The following FMNL2 variants were observed in gnomAD, a reference collection of about 807,000 sequenced individuals.
The protein encoded by FMNL2 is formin like 2, also known as formin-like protein 2.
FMNL2 carries 51 observed loss-of-function variants against 130.2 expected under a neutral mutation model. That is an observed-to-expected ratio of 0.39 (90% CI 0.31 to 0.49). FMNL2 has a LOEUF of 0.49. Among genes scored for constraint, FMNL2 ranks in the 20% least tolerant of loss-of-function variants. The probability of loss-of-function intolerance (pLI) is 0.85; values close to 1 mark genes in which losing one functional copy is unlikely to be tolerated. For missense variants in FMNL2, 977 were observed against 1,316.2 expected, an observed-to-expected ratio of 0.74 and a Z score of 3.99; for synonymous variants, 465 against 467.1, an observed-to-expected ratio of 1.00 and a Z score of 0.06.
chr2:152,461,497 A>G (rs1247887634), intron 1 of FMNL2, among the ~76,000 whole-genome samples: 1 of 152,210 alleles, frequency 6.6e-6, no homozygotes, highest in African/African-American at 2.4e-5. Context: ...AAGTAGATTC[A>G]CATACCACAT....
At chr2:152,431,965 TAAAAAAAAAA>T in intron 1 of FMNL2, among the ~76,000 whole-genome samples, 1 of 82,156 alleles carries the variant, frequency 1.2e-5, no homozygotes, top group African/African-American at 6.4e-5. Context: ...ACCCTATCTT[TAAAAAAAAAA>T]AAAAAAAAAA....
At chr2:152,422,331 C>T (rs1686964102) in intron 1 of FMNL2, among the ~76,000 whole-genome samples, 1 of 152,120 alleles carries the variant, frequency 6.6e-6, no homozygotes, top group Non-Finnish European at 1.5e-5. Context: ...CATGATGCCC[C>T]GTGATCATCA....
chr2:152,369,102 T>C (rs767009811), intron 1 of FMNL2, among the ~76,000 whole-genome samples: 25 of 152,204 alleles, frequency 1.6e-4, no homozygotes, highest in Non-Finnish European at 2.9e-4. Flanking sequence ...GTGTAGGATC[T>C]TCTAAAGTGA....
intron 1 of FMNL2, 85 bp from the exon 2 acceptor site, chr2:152,521,858 T>C: frequency 1.0e-6 from 1 of 966,856 alleles, no homozygotes. Context: ...ACCATAGTGG[T>C]ATTATTTGGT....
chr2:152,620,035 G>T (rs1372759978), intron 15 of FMNL2, among the ~76,000 whole-genome samples: 1 of 151,826 alleles, frequency 6.6e-6, no homozygotes, highest in Admixed American at 6.6e-5. Context: ...GTGCATTTTT[G>T]TGGGTTCAGC....
At chr2:152,352,516 T>C (rs1560289492) in intron 1 of FMNL2, among the ~76,000 whole-genome samples, 1 of 152,184 alleles carries the variant, frequency 6.6e-6, no homozygotes, top group Non-Finnish European at 1.5e-5. Context: ...AGAATAAATA[T>C]AAATGTTTCA....
chr2:152,454,913 TGAGGG>T (rs1280595005), intron 1 of FMNL2, among the ~76,000 whole-genome samples: 1 of 152,164 alleles, frequency 6.6e-6, no homozygotes, highest in Non-Finnish European at 1.5e-5. Flanking sequence ...CTCCAGATAC[TGAGGG>T]GAAGCTTGCA....
intron 1 of FMNL2, among the ~76,000 whole-genome samples, chr2:152,445,594 G>A (rs62180799): frequency 0.41 from 62,616 of 151,962 alleles, 15,429 homozygotes; most frequent in Non-Finnish European, 0.57. Flanking sequence ...CAGTGGTTTC[G>A]AAATTTTATC....
chr2:152,397,788 TC>T (rs1202366098), intron 1 of FMNL2, among the ~76,000 whole-genome samples: 1 of 152,180 alleles, frequency 6.6e-6, no homozygotes, highest in East Asian at 1.9e-4. Context: ...GATTTGTATG[TC>T]ATTCTTCTCT....
chr2:152,570,358 A>G (rs1327216153), intron 6 of FMNL2, among the ~76,000 whole-genome samples: 1 of 151,574 alleles, frequency 6.6e-6, no homozygotes. Flanking sequence ...TCTTAAGTTT[A>G]TGTAGAAGAG....
At chr2:152,444,541 A>G (rs1688235456) in intron 1 of FMNL2, among the ~76,000 whole-genome samples, 1 of 152,210 alleles carries the variant, frequency 6.6e-6, no homozygotes, top group African/African-American at 2.4e-5. Flanking sequence ...ATAACACATT[A>G]CAGAAATAGA....
chr2:152,469,126 T>A (rs1689719682), intron 1 of FMNL2, among the ~76,000 whole-genome samples: 1 of 152,180 alleles, frequency 6.6e-6, no homozygotes, highest in Non-Finnish European at 1.5e-5. Context: ...TGTTGATTCG[T>A]TTTTCTTCCT....
chr2:152,540,343 G>C (rs965892921), intron 2 of FMNL2, among the ~76,000 whole-genome samples: 17 of 152,000 alleles, frequency 1.1e-4, no homozygotes, highest in African/African-American at 3.6e-4. Flanking sequence ...AAAAAAAGTA[G>C]TTTATACACA....
Position 152,619,552 on chromosome 2 carries a change from G to GCCACCCCCCCCCCCACCCCCCCCCCC in FMNL2, c.1673_1674insACCCCCCCCCCCACCCCCCCCCCCCC (p.Pro568LeufsTer29). 2 of 1,417,706 alleles carry GCCACCCCCCCCCCCACCCCCCCCCCC rather than the reference G, an allele frequency of 1.4e-6. No homozygotes were observed. Among genetic ancestry groups the GCCACCCCCCCCCCCACCCCCCCCCCC allele is most frequent in the Non-Finnish European group, 1.9e-6 (2 of 1,062,482 alleles). 87.8% of individuals were successfully genotyped at this position (1,417,706 alleles called of 1,614,324 possible). A position where few individuals can be genotyped will look rare whatever the true frequency, so the allele number is the denominator to read the frequency against. ...CACCACCTATGCCACCGCCGCCGCC[G>GCCACCCCCCCCCCCACCCCCCCCCCC]CCCCCTCCTCCACCTCCTCCTCCCC... On this transcript the variant is annotated frameshift_variant, in exon 15 of 26. Coordinates refer to ENST00000288670, the MANE Select transcript of FMNL2 (RefSeq NM_052905.4). LOFTEE classifies it high-confidence loss of function.
At chr2:152,611,834 G>A (rs907848762) in intron 11 of FMNL2, among the ~76,000 whole-genome samples, 127 of 152,174 alleles carry the variant, frequency 8.3e-4, no homozygotes, top group South Asian at 1.2e-3. Flanking sequence ...CTTTTAGTAC[G>A]GGAGTCAGAT....
chr2:152,472,096 A>G (rs1689891508), intron 1 of FMNL2, among the ~76,000 whole-genome samples: 1 of 152,222 alleles, frequency 6.6e-6, no homozygotes, highest in South Asian at 2.1e-4. Flanking sequence ...TTGTGATACT[A>G]TAATCAAACA....
intron 10 of FMNL2, among the ~76,000 whole-genome samples, chr2:152,608,361 A>AC (rs1698496331): frequency 5.9e-5 from 1 of 16,898 alleles, no homozygotes; most frequent in Non-Finnish European, 1.2e-4. Flanking sequence ...CCTTTTTGTG[A>AC]AAAAAAAAAA....
At chr2:152,389,634 G>A (rs1198740893) in intron 1 of FMNL2, among the ~76,000 whole-genome samples, 1 of 152,228 alleles carries the variant, frequency 6.6e-6, no homozygotes, top group Non-Finnish European at 1.5e-5. Flanking sequence ...AGAGAGCACA[G>A]GACTAGAGCG....
At position 152,637,598 on chromosome 2, in the gene FMNL2, A is replaced by G; in HGVS notation, c.2870A>G (p.Tyr957Cys). Reference sequence around the variant, plus strand: ...GATGCCTTTGATGATGTTGTGAAGTATTTTGGAGAAAACCCCAAGACAACA... The same window carrying G: ...GATGCCTTTGATGATGTTGTGAAGTGTTTTGGAGAAAACCCCAAGACAACA... ...AQDAFDDVVK[Y>C]FGENPKTTPP... The change falls in exon 23 of 26, where the codon TAT (tyrosine) becomes TGT (cysteine). Residue 957 changes from tyrosine to cysteine, a missense_variant. By Grantham distance (194) the Tyr-to-Cys change is radical (BLOSUM62 -2). Transcript: ENST00000288670. 6.2e-7 allele frequency: 1 copy of G among 1,613,972 alleles called. No individual in the cohort carries two copies. Among genetic ancestry groups the G allele is most frequent in the Non-Finnish European group, 8.5e-7 (1 of 1,179,866 alleles).
Sources: gnomAD v4.1 joint callset for allele counts (sites outside exome capture counted in the v4.1 genomes callset) on GRCh38, gnomAD v4.1.1 for gene constraint, MANE v1.5 for transcripts, NCBI Gene and HGNC (gene_info 2026-07-23, HGNC 2026-07-21) for gene names.